Variants in SYT1 observed in about 807,000 individuals in gnomAD.
SYT1 encodes the protein synaptotagmin 1, also known as synaptotagmin-1.
Under a neutral mutation model 44.8 loss-of-function variants are expected in SYT1, and 8 were observed. The observed-to-expected ratio is 0.18, with a 90% CI of 0.10 to 0.32. SYT1 has a LOEUF of 0.32. SYT1 is among the 10% of genes least tolerant of loss of function. SYT1 has a pLI of 1.00. For missense variants in SYT1, 286 were observed against 509.3 expected (o/e 0.56, Z 4.22); for synonymous variants, 154 against 188.8 (o/e 0.82, Z 1.51).
chr12:79,414,447 G>C (rs1369380359), intron 9 of SYT1, among the ~76,000 whole-genome samples: 1 of 152,094 alleles, frequency 6.6e-6, no homozygotes, highest in East Asian at 1.9e-4. Flanking sequence ...CTGAAGCATA[G>C]CTCTCCCAGG....
intron 1 of SYT1, among the ~76,000 whole-genome samples, chr12:78,935,302 T>C (rs1259387923): frequency 6.6e-6 from 1 of 152,194 alleles, no homozygotes; most frequent in Non-Finnish European, 1.5e-5. Flanking sequence ...GTTCTGGGTC[T>C]CGTTGTTTCA....
intron 6 of SYT1, among the ~76,000 whole-genome samples, chr12:79,293,702 T>C (rs1441588844): frequency 3.9e-5 from 6 of 152,244 alleles, no homozygotes; most frequent in Non-Finnish European, 7.3e-5. Flanking sequence ...GTTCTAATAA[T>C]GTCTTCACTT....
chr12:79,052,515 T>C (rs2137798182), intron 3 of SYT1, among the ~76,000 whole-genome samples: 1 of 152,252 alleles, frequency 6.6e-6, no homozygotes, highest in African/African-American at 2.4e-5. Context: ...TGGGATCTAA[T>C]TAAACTAAAG....
At chr12:79,334,393 T>A (rs1881993864) in intron 8 of SYT1, among the ~76,000 whole-genome samples, 1 of 152,124 alleles carries the variant, frequency 6.6e-6, no homozygotes, top group Non-Finnish European at 1.5e-5. Context: ...TTGCAAGTGC[T>A]ATACTGAGGG....
chr12:79,198,740 G>A (rs760330930), intron 3 of SYT1, among the ~76,000 whole-genome samples: 5 of 152,156 alleles, frequency 3.3e-5, no homozygotes, highest in Non-Finnish European at 7.4e-5. Flanking sequence ...CAGGAAACAA[G>A]ATGTAAGTGT....
At chr12:79,261,969 A>G (rs1042241356) in intron 4 of SYT1, among the ~76,000 whole-genome samples, 3 of 152,218 alleles carry the variant, frequency 2.0e-5, no homozygotes, top group Non-Finnish European at 4.4e-5. Context: ...CTACACATAA[A>G]CATTCATTTT....
intron 1 of SYT1, among the ~76,000 whole-genome samples, chr12:78,965,937 C>T (rs1372982626): frequency 6.6e-6 from 1 of 151,940 alleles, no homozygotes; most frequent in East Asian, 1.9e-4. Flanking sequence ...ATTAGCCGGG[C>T]ACGGTGGCAG....
At chr12:79,441,173 T>A (rs891221049) in intron 9 of SYT1, among the ~76,000 whole-genome samples, 1 of 152,220 alleles carries the variant, frequency 6.6e-6, no homozygotes, top group Admixed American at 6.5e-5. Flanking sequence ...AAGTTGGGAA[T>A]TTTGCCTGCA....
intron 4 of SYT1, among the ~76,000 whole-genome samples, chr12:79,229,750 T>A (rs1183591213): frequency 1.3e-5 from 2 of 152,024 alleles, no homozygotes; most frequent in Non-Finnish European, 2.9e-5. Flanking sequence ...CTCACCACCA[T>A]GCCTGGCTAA....
At chr12:79,112,558 G>A (rs566449077) in intron 3 of SYT1, among the ~76,000 whole-genome samples, 26 of 152,224 alleles carry the variant, frequency 1.7e-4, no homozygotes, top group African/African-American at 6.3e-4. Context: ...ACAGGATGCT[G>A]TAAGAAGCTC....
At chr12:79,248,279 A>C (rs1293370823) in intron 4 of SYT1, among the ~76,000 whole-genome samples, 2 of 152,228 alleles carry the variant, frequency 1.3e-5, no homozygotes, top group Non-Finnish European at 2.9e-5. Context: ...TAAAGGGTAC[A>C]GTAAGATTAG....
intron 3 of SYT1, among the ~76,000 whole-genome samples, chr12:79,124,518 G>T (rs1044495349): frequency 7.9e-5 from 12 of 151,824 alleles, no homozygotes; most frequent in African/African-American, 2.9e-4. Context: ...AAATAACAGG[G>T]TATTACTCTC....
At chr12:79,276,973 A>AGAG (rs1037328321) in intron 4 of SYT1, among the ~76,000 whole-genome samples, 2 of 138,562 alleles carry the variant, frequency 1.4e-5, no homozygotes, top group South Asian at 2.2e-4. Context: ...AGGAGGAGGA[A>AGAG]GAGGAGGAGG....
rs1197188091 is a variant in SYT1, at chr12:79,449,152, C to T, written c.*28C>T. On this transcript the variant is annotated 3_prime_UTR_variant, in exon 11 of 11. Coordinates refer to ENST00000261205, the MANE Select transcript of SYT1 (RefSeq NM_005639.3). Reference sequence around the variant, plus strand: ...GAAAGAAGAAGCCTTTCTGCATTTGCCCATATAGTGCTCTTTAGCCAGTAT... The same window carrying T: ...GAAAGAAGAAGCCTTTCTGCATTTGTCCATATAGTGCTCTTTAGCCAGTAT... 4 of 1,571,346 alleles carry T rather than the reference C, an allele frequency of 2.5e-6. No homozygotes were observed. The highest frequency in any genetic ancestry group is 1.4e-5 in the African/African-American group (1 of 73,858).
intron 3 of SYT1, among the ~76,000 whole-genome samples, chr12:79,172,969 CAAAAAAAAAAAAAAA>C (rs200575966): frequency 0.01 from 163 of 15,718 alleles, 2 homozygotes; most frequent in East Asian, 0.081. Flanking sequence ...TTCCTGCTCT[CAAAAAAAAAAAAAAA>C]AAAAAAAAAA....
chr12:79,396,709 A>C (rs985054093), intron 9 of SYT1, among the ~76,000 whole-genome samples: 9 of 152,220 alleles, frequency 5.9e-5, no homozygotes, highest in African/African-American at 2.2e-4. Context: ...TGATTGAAGG[A>C]TGATATTTTT....
intron 3 of SYT1, among the ~76,000 whole-genome samples, chr12:79,195,972 C>G (rs566337081): frequency 1.3e-5 from 2 of 152,250 alleles, no homozygotes; most frequent in South Asian, 4.2e-4. Context: ...TTAAAGACTA[C>G]AAATTCTCTT....
At chr12:78,953,559 G>T (rs1879072862) in intron 1 of SYT1, among the ~76,000 whole-genome samples, 1 of 151,984 alleles carries the variant, frequency 6.6e-6, no homozygotes, top group Admixed American at 6.6e-5. Flanking sequence ...TTATTGTCTT[G>T]AAAACTCATG....
chr12:79,160,975 G>A, intron 3 of SYT1, among the ~76,000 whole-genome samples: 1 of 152,090 alleles, frequency 6.6e-6, no homozygotes, highest in East Asian at 1.9e-4. Context: ...GCTCACACCT[G>A]GAGTCTCAAC....
Sources: gnomAD v4.1 joint callset for allele counts (sites outside exome capture counted in the v4.1 genomes callset) on GRCh38, gnomAD v4.1.1 for gene constraint, MANE v1.5 for transcripts, NCBI Gene and HGNC (gene_info 2026-07-23, HGNC 2026-07-21) for gene names.